The following VWA3B variants were observed in gnomAD, a reference collection of about 807,000 sequenced individuals.
VWA3B encodes the protein von Willebrand factor A domain-containing protein 3B.
In VWA3B, 138 loss-of-function variants were observed where a neutral mutation model predicts 158.3. That is an observed-to-expected ratio of 0.87 (90% CI 0.76 to 1.00). VWA3B has a LOEUF of 1.00. VWA3B is among the 50% of genes least tolerant of loss of function. VWA3B has a pLI of 0.00. For missense variants in VWA3B, 1,555 were observed against 1,565.1 expected, an observed-to-expected ratio of 0.99 and a Z score of 0.11; for synonymous variants, 596 against 587.3, an observed-to-expected ratio of 1.01 and a Z score of -0.21.
chr2:98,129,282 GAGAGAGAGGAGAGAGA>G, intron 6 of VWA3B, among the ~76,000 whole-genome samples: 1 of 148,908 alleles, frequency 6.7e-6, no homozygotes, highest in African/African-American at 2.5e-5. Flanking sequence ...GGAGAGAGAG[GAGAGAGAGGAGAGAGA>G]GAGGAGAGAG....
chr2:98,208,740 T>C (rs1332369777), intron 12 of VWA3B, among the ~76,000 whole-genome samples: 1 of 152,224 alleles, frequency 6.6e-6, no homozygotes, highest in African/African-American at 2.4e-5. Flanking sequence ...CCATCTTAGA[T>C]GGTGCTAAAC....
the VWA3B span, among the ~76,000 whole-genome samples, chr2:98,326,354 G>C: frequency 6.6e-6 from 1 of 152,060 alleles, no homozygotes; most frequent in Non-Finnish European, 1.5e-5. Flanking sequence ...ATGAAACAAA[G>C]TATAAATTAC....
intron 26 of VWA3B, among the ~76,000 whole-genome samples, chr2:98,311,575 C>T (rs1364199275): frequency 2.0e-5 from 3 of 152,106 alleles, no homozygotes; most frequent in Non-Finnish European, 2.9e-5. Flanking sequence ...TTGGTCAGGA[C>T]GGGTCCGTAT....
chr2:98,111,300 T>G (rs1197567764), intron 2 of VWA3B, among the ~76,000 whole-genome samples: 13 of 152,214 alleles, frequency 8.5e-5, no homozygotes, highest in Admixed American at 8.5e-4. Context: ...ATGAGTAGTA[T>G]TCCATAGTCT....
rs1194101832 is a variant in VWA3B at position 98,133,676 on chromosome 2, G to C, written c.873-148G>C. 9.2e-6 allele frequency: 6 copies of C among 653,558 alleles called. No individual in the cohort carries two copies. In the Admixed American group the frequency reaches 1.4e-4, roughly 16 times the overall value. 40.5% of individuals were successfully genotyped at this position (653,558 alleles called of 1,614,324 possible). A position where few individuals can be genotyped will look rare whatever the true frequency, so the allele number is the denominator to read the frequency against. On this transcript the variant is annotated intron_variant, in intron 6 of 27. Transcript: ENST00000477737. The stretch of plus-strand genomic sequence containing the variant: ...CTCCCTGTCTTTTGCTTGTGGAATT[G>C]ACAAGGTGCAGGAAGAAGCAGTGAC...
At chr2:98,162,825 C>A (rs770834368) in intron 7 of VWA3B, 26 bp from the exon 8 acceptor site, 70 of 1,612,010 alleles carry the variant, frequency 4.3e-5, no homozygotes, top group Non-Finnish European at 5.8e-5. Context: ...CTCAGCCGGC[C>A]GCTCATGCTG....
intron 14 of VWA3B, 66 bp from the exon 15 acceptor site, chr2:98,228,136 A>T: frequency 6.7e-7 from 1 of 1,503,230 alleles, no homozygotes; most frequent in African/African-American, 1.4e-5. Context: ...AAAAGAAAAG[A>T]AACATGTTTG....
At chr2:98,316,817 C>T (rs1054757291), downstream of VWA3B, among the ~76,000 whole-genome samples, 1 of 151,930 alleles carries the variant, frequency 6.6e-6, no homozygotes, top group African/African-American at 2.4e-5. Context: ...GTAGCACCTC[C>T]CCTCCCCTCT....
intron 1 of VWA3B, among the ~76,000 whole-genome samples, chr2:98,087,967 C>T (rs1028774117): frequency 2.6e-5 from 4 of 152,164 alleles, no homozygotes; most frequent in African/African-American, 9.7e-5. Flanking sequence ...TCAGATATTG[C>T]CTTCTTGACT....
intron 5 of VWA3B, 140 bp downstream of exon 5, chr2:98,121,598 G>A (rs1674967258): frequency 8.7e-7 from 1 of 1,153,828 alleles, no homozygotes; most frequent in East Asian, 2.6e-5. Context: ...ATTGGGCACT[G>A]ATGGTGATGG....
At chr2:98,146,318 G>A (rs1677170868) in intron 7 of VWA3B, among the ~76,000 whole-genome samples, 1 of 152,140 alleles carries the variant, frequency 6.6e-6, no homozygotes, top group South Asian at 2.1e-4. Flanking sequence ...TGATCACCAT[G>A]GAATGGACAC....
intron 22 of VWA3B, among the ~76,000 whole-genome samples, chr2:98,277,440 TAAAG>T (rs947771453): frequency 2.0e-5 from 3 of 152,168 alleles, no homozygotes; most frequent in Non-Finnish European, 4.4e-5. Context: ...TCTGAATAAA[TAAAG>T]ATTGTTCTCC....
chr2:98,195,932 T>C, intron 12 of VWA3B, among the ~76,000 whole-genome samples: 1 of 152,102 alleles, frequency 6.6e-6, no homozygotes, highest in East Asian at 1.9e-4. Flanking sequence ...ACTACACAGC[T>C]TAGAAAAGAA....
chr2:98,172,440 G>A (rs905985150), intron 8 of VWA3B, among the ~76,000 whole-genome samples: 6 of 152,142 alleles, frequency 3.9e-5, no homozygotes, highest in Admixed American at 2.0e-4. Context: ...TGCTCCTCTC[G>A]ATGTCCAGCT....
At position 98,175,099 on chromosome 2, in the gene VWA3B, TCAA is replaced by T. The variant is rs1408057531; in HGVS notation, c.1115-5907_1115-5905del. Among the ~76,000 whole-genome samples the T allele has an allele frequency of 2.6e-5, 4 of 151,982 alleles. No homozygotes were observed. In the East Asian group the frequency reaches 7.7e-4, roughly 29 times the overall value. On this transcript the variant is annotated intron_variant, in intron 8 of 27. Transcript: ENST00000477737. The stretch of plus-strand genomic sequence containing the variant: ...TTTTATTATTTAAAATGTCCAGTTG[TCAA>T]CAACAACAAAAATGAGGCATGCAAA...
intron 1 of VWA3B, among the ~76,000 whole-genome samples, chr2:98,088,431 A>G (rs1273527178): frequency 6.6e-6 from 1 of 152,118 alleles, no homozygotes; most frequent in East Asian, 1.9e-4. Flanking sequence ...CTTCCAGTAG[A>G]CGGGGCCCTT....
intron 8 of VWA3B, among the ~76,000 whole-genome samples, chr2:98,164,281 G>A (rs143388393): frequency 6.6e-6 from 1 of 152,122 alleles, no homozygotes; most frequent in East Asian, 1.9e-4. Flanking sequence ...ATATTAAAAA[G>A]AAATTATTAA....
At chr2:98,221,219 G>A (rs912605571) in intron 14 of VWA3B, among the ~76,000 whole-genome samples, 4 of 151,788 alleles carry the variant, frequency 2.6e-5, no homozygotes, top group Non-Finnish European at 2.9e-5. Flanking sequence ...ATTTCTATTC[G>A]TATATCCCAG....
chr2:98,135,939 C>T (rs1042253584), intron 7 of VWA3B, among the ~76,000 whole-genome samples: 1 of 152,226 alleles, frequency 6.6e-6, no homozygotes, highest in Non-Finnish European at 1.5e-5. Context: ...AGCCGTTTCA[C>T]GCATTTTCCA....
Sources: gnomAD v4.1 joint callset for allele counts (sites outside exome capture counted in the v4.1 genomes callset) on GRCh38, gnomAD v4.1.1 for gene constraint, MANE v1.5 for transcripts, NCBI Gene and HGNC (gene_info 2026-07-23, HGNC 2026-07-21) for gene names.